The following TNNC2 variants were observed in gnomAD, a reference collection of about 807,000 sequenced individuals.
TNNC2 encodes troponin C2, fast skeletal type, also known as troponin C, skeletal muscle.
TNNC2 carries 14 observed loss-of-function variants against 20.0 expected under a neutral mutation model. The observed-to-expected ratio is 0.70, with a 90% CI of 0.46 to 1.09. TNNC2 has a LOEUF of 1.09. Among genes scored for constraint, TNNC2 ranks in the 50% least tolerant of loss-of-function variants. The probability of loss-of-function intolerance (pLI) is 0.00; values close to 1 mark genes in which losing one functional copy is unlikely to be tolerated. For synonymous variants in TNNC2, 81 were observed against 77.3 expected (o/e 1.05, Z -0.25); for missense variants, 163 against 223.8 (o/e 0.73, Z 1.73).
At chr20:45,824,197 C>G in intron 4 of TNNC2, 70 bp from the exon 5 acceptor site, 2 of 1,600,196 alleles carry the variant, frequency 1.2e-6, no homozygotes, top group Non-Finnish European at 1.7e-6. Context: ...ACTCGACGCC[C>G]CGCTTCCGCA....
In TNNC2 at chr20:45,824,832, C is replaced by T. The variant is rs148902583; in HGVS notation, c.6G>A (p.Thr2=). ...AGGACCTGGCCTCAGCCTGCTGGTC[C>T]GTCTGCAGGAGACACAGAGAAAGTC... M[T]DQQAEARSYL... The change falls in exon 2 of 6, where the codon ACG becomes ACA. Residue 2 remains threonine, a splice_region_variant and synonymous_variant. Transcript: ENST00000372555. 39 of 1,613,978 alleles carry T rather than the reference C, an allele frequency of 2.4e-5. No individual in the cohort carries two copies. The highest frequency in any genetic ancestry group is 4.0e-5 in the African/African-American group (3 of 74,898).
intron 1 of TNNC2, 35 bp from the exon 2 acceptor site, chr20:45,824,869 G>A: frequency 1.2e-6 from 2 of 1,613,730 alleles, no homozygotes; most frequent in Non-Finnish European, 8.5e-7. Context: ...GAGCTGAAGA[G>A]GCAGCCCCAG....
Position 45,823,294 on chromosome 20 carries a change from G to A in TNNC2, c.*54C>T. 6.6e-7 allele frequency: 1 copy of A among 1,505,410 alleles called. No individual in the cohort carries two copies. The highest frequency in any genetic ancestry group is 8.9e-7 in the Non-Finnish European group (1 of 1,117,376). The allele number at this position is 1,505,410 out of a possible 1,614,324, so 93.3% of individuals were successfully genotyped here. On this transcript the variant is annotated 3_prime_UTR_variant, in exon 6 of 6. Transcript: ENST00000372555. The surrounding 1 kb of genome is among the most constrained non-coding windows in gnomAD (Gnocchi z 4.6). The stretch of plus-strand genomic sequence containing the variant: ...TCCCTGGTGGGGACCCGGCAGGGCG[G>A]AGTCTCCCACACCCTAGGGACACGC...
upstream of TNNC2, among the ~76,000 whole-genome samples, chr20:45,832,274 T>C (rs1983133530): frequency 2.6e-5 from 4 of 152,114 alleles, no homozygotes; most frequent in Admixed American, 2.6e-4. Context: ...TGCATCACTG[T>C]ACTCCAGCCT....
In TNNC2 at chr20:45,823,954, T is replaced by A; in HGVS notation, c.451+37A>T. Reference sequence around the variant, plus strand: ...ACCAGTGCCCGCCGTCCTCTGGGGCTCCCACCCGCTCTTCCCAAGCTCCCG... The same window carrying A: ...ACCAGTGCCCGCCGTCCTCTGGGGCACCCACCCGCTCTTCCCAAGCTCCCG... On this transcript the variant is annotated intron_variant, in intron 5 of 5. Transcript: ENST00000372555. The surrounding 1 kb of genome is among the most constrained non-coding windows in gnomAD (Gnocchi z 4.6). The A allele has an allele frequency of 6.3e-7, 1 of 1,598,418 alleles. No individual in the cohort carries two copies. Among genetic ancestry groups the A allele is most frequent in the Non-Finnish European group, 8.6e-7 (1 of 1,168,264 alleles).
intron 2 of TNNC2, among the ~76,000 whole-genome samples, chr20:45,832,915 G>A (rs1421941160): frequency 1.3e-5 from 2 of 152,238 alleles, no homozygotes; most frequent in Non-Finnish European, 2.9e-5. Context: ...GCAGAGGCAG[G>A]TGGATCACTT....
At chr20:45,824,467 C>G (rs751150855) in intron 3 of TNNC2, 28 bp downstream of exon 3, 1 of 1,612,628 alleles carries the variant, frequency 6.2e-7, no homozygotes, top group African/African-American at 1.3e-5. Flanking sequence ...TCCCCACCAT[C>G]CCCTGCCTCC....
In TNNC2 at chr20:45,827,277, G is replaced by C; in HGVS notation, c.-29C>G. ...TGCTGGTGACCGGGACTCCTCTGTT[G>C]CAGGTCGCCTCCTTTGCACTCCACC... On this transcript the variant is annotated 5_prime_UTR_variant, in exon 1 of 6. Coordinates refer to ENST00000372555, the MANE Select transcript of TNNC2 (RefSeq NM_003279.3). 2.5e-6 allele frequency: 4 copies of C among 1,614,044 alleles called. No individual in the cohort carries two copies. Among genetic ancestry groups the C allele is most frequent in the Non-Finnish European group, 3.4e-6 (4 of 1,179,984 alleles).
chr20:45,831,800 T>C (rs1034603741), upstream of TNNC2, among the ~76,000 whole-genome samples: 1 of 152,010 alleles, frequency 6.6e-6, no homozygotes, highest in Non-Finnish European at 1.5e-5. Context: ...AAAATGGAGG[T>C]GATAGGCCAG....
Position 45,823,469 on chromosome 20 carries a change from T to C in TNNC2, c.452-90A>G. The C allele has an allele frequency of 7.8e-7, 1 of 1,275,028 alleles. No individual in the cohort carries two copies. The highest frequency in any genetic ancestry group is 1.1e-6 in the Non-Finnish European group (1 of 924,464). The allele number at this position is 1,275,028 out of a possible 1,614,324, so 79.0% of individuals were successfully genotyped here. A position where few individuals can be genotyped will look rare whatever the true frequency, so the allele number is the denominator to read the frequency against. Reference sequence around the variant, plus strand: ...CCAGCCACACAGAGGGGATGACTTTTTGTTTTTGTTTTTGTTGAGACAGAG... The same window carrying C: ...CCAGCCACACAGAGGGGATGACTTTCTGTTTTTGTTTTTGTTGAGACAGAG... On this transcript the variant is annotated intron_variant, in intron 5 of 5. Coordinates refer to ENST00000372555, the MANE Select transcript of TNNC2 (RefSeq NM_003279.3). The surrounding 1 kb of genome is among the most constrained non-coding windows in gnomAD (Gnocchi z 4.6).
upstream of TNNC2, among the ~76,000 whole-genome samples, chr20:45,831,021 G>A (rs1435815703): frequency 6.6e-6 from 1 of 152,124 alleles, no homozygotes; most frequent in Non-Finnish European, 1.5e-5. Flanking sequence ...GTGGGTGGTA[G>A]CTCATACTTG....
At chr20:45,828,914 C>A (rs533828555), upstream of TNNC2, among the ~76,000 whole-genome samples, 1 of 152,284 alleles carries the variant, frequency 6.6e-6, no homozygotes, top group Non-Finnish European at 1.5e-5. Flanking sequence ...CTCCCCCAGG[C>A]AGGCAGGGTG....
At chr20:45,824,929 G>T in intron 1 of TNNC2, 95 bp from the exon 2 acceptor site, 1 of 1,373,656 alleles carries the variant, frequency 7.3e-7, no homozygotes, top group Non-Finnish European at 1.0e-6. Context: ...CTCTGTCAGC[G>T]CCCTTGGTTC....
chr20:45,828,864 C>A (rs1477862678), upstream of TNNC2, among the ~76,000 whole-genome samples: 1 of 152,206 alleles, frequency 6.6e-6, no homozygotes, highest in Non-Finnish European at 1.5e-5. Context: ...TAGACATTCC[C>A]AAGGAAAGCT....
chr20:45,830,045 C>T (rs1320758493), upstream of TNNC2, among the ~76,000 whole-genome samples: 1 of 151,430 alleles, frequency 6.6e-6, no homozygotes, highest in African/African-American at 2.4e-5. Context: ...CTTTAAAATA[C>T]TGCTCTAGGC....
chr20:45,830,018 T>C (rs1983071675), upstream of TNNC2, among the ~76,000 whole-genome samples: 1 of 151,868 alleles, frequency 6.6e-6, no homozygotes, highest in Non-Finnish European at 1.5e-5. Flanking sequence ...ATCATGTTGC[T>C]GTCTGCTCTG....
chr20:45,832,687 G>A (rs950422820), intron 2 of TNNC2, among the ~76,000 whole-genome samples: 1 of 152,204 alleles, frequency 6.6e-6, no homozygotes, highest in African/African-American at 2.4e-5. Context: ...TTTATTTATT[G>A]TATTGTATAA....
Position 45,824,340 on chromosome 20 carries a change from T to G in TNNC2, c.266A>C (p.Lys89Thr). ...GGCCAGCTCCTCCTCGCTCTTCCCT[T>G]TCGCGTCCTCTTTCATCTGGCGCAC... ...MMVRQMKEDA[K>T]GKSEEELAEC... The change falls in exon 4 of 6, where the codon AAA becomes ACA. Residue 89 changes from lysine to threonine, a missense_variant. Coordinates refer to ENST00000372555, the MANE Select transcript of TNNC2 (RefSeq NM_003279.3). 1 of 1,611,314 alleles carries G rather than the reference T, an allele frequency of 6.2e-7. No homozygotes were observed. Among genetic ancestry groups the G allele is most frequent in the East Asian group, 2.2e-5 (1 of 44,856 alleles).
rs755114964 is a variant in TNNC2, at chr20:45,824,847, C to T, written c.4-13G>A. On this transcript the variant is annotated splice_polypyrimidine_tract_variant and intron_variant, in intron 1 of 5. Transcript: ENST00000372555. ...CCTGCTGGTCCGTCTGCAGGAGACA[C>T]AGAGAAAGTCTGAGCTGAAGAGGCA... 4 of 1,614,170 alleles carry T rather than the reference C, an allele frequency of 2.5e-6. No homozygotes were observed. The Admixed American group carries it at 6.7e-5, about 27-fold the overall frequency.
Sources: gnomAD v4.1 joint callset for allele counts (sites outside exome capture counted in the v4.1 genomes callset) on GRCh38, gnomAD v4.1.1 for gene constraint, Gnocchi (gnomAD v3.1) non-coding constraint, MANE v1.5 for transcripts, NCBI Gene and HGNC (gene_info 2026-07-23, HGNC 2026-07-21) for gene names.